NBPF8: variants seen among roughly 807,000 people sequenced by gnomAD.
NBPF8 encodes NBPF member 8.
chr1:120,430,414 A>C (rs1353205810), intron 3 of NBPF8, among the ~76,000 whole-genome samples: 2 of 119,176 alleles, frequency 1.7e-5, no homozygotes, highest in Non-Finnish European at 1.8e-5. Flanking sequence ...TGAAATAAGA[A>C]TACAATTTCA....
intron 12 of NBPF8, among the ~76,000 whole-genome samples, chr1:120,451,779 C>T (rs1190650766): frequency 1.3e-5 from 2 of 148,544 alleles, no homozygotes; most frequent in Non-Finnish European, 3.0e-5. Context: ...CCGCAAGATG[C>T]ACTATGTGTA....
upstream of NBPF8, among the ~76,000 whole-genome samples, chr1:120,434,365 G>A (rs1449617500): frequency 6.9e-6 from 1 of 144,580 alleles, no homozygotes; most frequent in Admixed American, 7.0e-5. Context: ...TTATATATAC[G>A]TGTATACAGG....
At chr1:120,468,226 T>C (rs2101707895), downstream of NBPF8, among the ~76,000 whole-genome samples, 1 of 150,978 alleles carries the variant, frequency 6.6e-6, no homozygotes, top group East Asian at 2.0e-4. Context: ...CCGGTGACAT[T>C]CTGTGATTAT....
At chr1:120,464,545 G>C in exon 23 of NBPF8, 2 of 781,674 alleles carry the variant, frequency 2.6e-6, no homozygotes, top group Non-Finnish European at 4.7e-6. Context: ...TCTTGACGTG[G>C]GAGGTGAGTA....
intron 15 of NBPF8, among the ~76,000 whole-genome samples, chr1:120,454,470 A>C (rs1661377528): frequency 6.6e-6 from 1 of 152,072 alleles, no homozygotes; most frequent in Non-Finnish European, 1.5e-5. Context: ...TGTTTAAGGA[A>C]GCTGGCAGCC....
chr1:120,464,217 T>C (rs1570946655), intron 22 of NBPF8, among the ~76,000 whole-genome samples, 159 bp from the exon 21 acceptor site: 1 of 136,126 alleles, frequency 7.3e-6, no homozygotes, highest in Admixed American at 7.2e-5. Context: ...CATTTGGCCC[T>C]GTTCTGTCCC....
intron 12 of NBPF8, among the ~76,000 whole-genome samples, chr1:120,451,758 G>C (rs1364954352): frequency 1.5e-4 from 22 of 148,026 alleles, no homozygotes; most frequent in South Asian, 9.0e-4. Context: ...ACATGGCTTT[G>C]TATCTAGTGG....
At chr1:120,454,193 C>G (rs1403263350) in intron 15 of NBPF8, 79 bp downstream of exon 13, 3 of 1,486,094 alleles carry the variant, frequency 2.0e-6, no homozygotes, top group Non-Finnish European at 2.8e-6. Context: ...TCTATAAACA[C>G]AAATTCATTT....
At chr1:120,421,137 C>T (rs1221443403) in intron 1 of NBPF8, among the ~76,000 whole-genome samples, 7 of 151,820 alleles carry the variant, frequency 4.6e-5, no homozygotes, top group African/African-American at 1.2e-4. Context: ...CAGAACTTAT[C>T]CAAAGACAAG....
chr1:120,460,624 G>A (rs1661556227), exon 18 of NBPF8: 4 of 1,301,296 alleles, frequency 3.1e-6, no homozygotes, highest in Non-Finnish European at 3.3e-6. Flanking sequence ...ACAGGTCCCA[G>A]GTGAGTCTGA....
upstream of NBPF8, among the ~76,000 whole-genome samples, chr1:120,415,065 G>A (rs1273065130): frequency 3.9e-5 from 6 of 152,148 alleles, no homozygotes; most frequent in African/African-American, 1.2e-4. Flanking sequence ...AGCTGGCTCA[G>A]GCTATGGGCT....
At chr1:120,452,169 G>A (rs1366491738) in exon 13 of NBPF8, 5 of 1,602,796 alleles carry the variant, frequency 3.1e-6, no homozygotes, top group African/African-American at 1.4e-5. Flanking sequence ...CCAGTTAAGG[G>A]AGAAGTTGCG....
chr1:120,454,030 A>T, exon 15 of NBPF8: 1 of 1,612,842 alleles, frequency 6.2e-7, no homozygotes, highest in Non-Finnish European at 8.5e-7. Context: ...AACCAAAATC[A>T]CATTTGAGGA....
chr1:120,460,656 G>C, intron 18 of NBPF8, 32 bp downstream of exon 16: 1 of 971,608 alleles, frequency 1.0e-6, no homozygotes, highest in South Asian at 1.3e-5. Flanking sequence ...CAGTTAATTT[G>C]ATGTTGACAC....
chr1:120,415,352 C>G (rs1265661220), upstream of NBPF8, among the ~76,000 whole-genome samples: 2 of 150,280 alleles, frequency 1.3e-5, no homozygotes, highest in African/African-American at 4.9e-5. Flanking sequence ...CTGCGGCTGT[C>G]GCAAGTTTTG....
At chr1:120,450,236 A>G (rs1661226711) in intron 11 of NBPF8, among the ~76,000 whole-genome samples, 1 of 152,010 alleles carries the variant, frequency 6.6e-6, no homozygotes, top group Non-Finnish European at 1.5e-5. Flanking sequence ...AATAATAATA[A>G]TAATAATGAT....
At chr1:120,423,784 A>AAGGTG in intron 1 of NBPF8, among the ~76,000 whole-genome samples, 1 of 146,218 alleles carries the variant, frequency 6.8e-6, no homozygotes, top group Non-Finnish European at 1.5e-5. Context: ...CTTGTGTGTT[A>AAGGTG]GCCTGTGTTT....
chr1:120,466,064 G>C, exon 25 of NBPF8: 1 of 1,611,934 alleles, frequency 6.2e-7, no homozygotes, highest in South Asian at 1.1e-5. Context: ...TCAATGTACT[G>C]TGAACTACGT....
chr1:120,434,461 A>G (rs1363046583), upstream of NBPF8, among the ~76,000 whole-genome samples: 41 of 143,514 alleles, frequency 2.9e-4, no homozygotes, highest in African/African-American at 8.5e-4. Context: ...GCACCCATTA[A>G]CTCGTCATTT....
Sources: gnomAD v4.1 joint callset for allele counts (sites outside exome capture counted in the v4.1 genomes callset) on GRCh38, gnomAD v4.1.1 for gene constraint, MANE v1.5 for transcripts, NCBI Gene and HGNC (gene_info 2026-07-23, HGNC 2026-07-21) for gene names.